GPCPD1: variants seen among roughly 807,000 people sequenced by gnomAD.
GPCPD1 encodes glycerophosphocholine phosphodiesterase 1.
A neutral mutation model predicts 89.2 loss-of-function variants in GPCPD1; 29 were observed. That is an observed-to-expected ratio of 0.33 (90% CI 0.24 to 0.44). The LOEUF (loss-of-function observed/expected upper bound fraction) is 0.44. GPCPD1 is among the 20% of genes least tolerant of loss of function. GPCPD1 has a pLI of 1.00. For synonymous variants in GPCPD1, 258 were observed against 266.3 expected (o/e 0.97, Z 0.30); for missense variants, 594 against 808.9 (o/e 0.73, Z 3.22).
intron 19 of GPCPD1, among the ~76,000 whole-genome samples, chr20:5,556,269 G>A (rs1309842881): frequency 1.3e-5 from 2 of 151,970 alleles, no homozygotes; most frequent in East Asian, 1.9e-4. Context: ...GTGCAGTGGC[G>A]CGATCTCGGC....
intron 2 of GPCPD1, among the ~76,000 whole-genome samples, chr20:5,600,855 T>C (rs1245674904): frequency 6.8e-6 from 1 of 146,738 alleles, no homozygotes; most frequent in Non-Finnish European, 1.5e-5. Flanking sequence ...CCGGGTATGG[T>C]GGCAAGCACC....
At position 5,570,920 on chromosome 20, in the gene GPCPD1, A is replaced by G. The variant is rs374702555; in HGVS notation, c.1057-681T>C. Among the ~76,000 whole-genome samples the G allele has an allele frequency of 1.7e-4, 26 of 152,332 alleles. No homozygotes were observed. In the East Asian group the frequency reaches 2.3e-3, roughly 14 times the overall value. ...CAGGACTGAAATTAATTTAAAGAAA[A>G]AAAGAAAGAAAGAAAGAAAAAGGCA... On this transcript the variant is annotated intron_variant, in intron 11 of 19. Coordinates refer to ENST00000379019, the MANE Select transcript of GPCPD1 (RefSeq NM_019593.5).
chr20:5,572,123 G>C (rs1986759736), intron 11 of GPCPD1, among the ~76,000 whole-genome samples: 1 of 150,952 alleles, frequency 6.6e-6, no homozygotes, highest in South Asian at 2.1e-4. Context: ...AGAGGCCAAA[G>C]CAGGAGGATC....
chr20:5,581,119 T>C (rs1013827299), intron 6 of GPCPD1, among the ~76,000 whole-genome samples: 2 of 152,064 alleles, frequency 1.3e-5, no homozygotes, highest in African/African-American at 4.8e-5. Context: ...TCAAGTGATC[T>C]GCCTTCCTCA....
chr20:5,594,227 G>A lies in GPCPD1; in HGVS notation c.147-816C>T, dbSNP rs531749049. Among the ~76,000 whole-genome samples, 6 of 152,120 alleles carry A rather than the reference G, an allele frequency of 3.9e-5. No individual in the cohort carries two copies. In the East Asian group the frequency reaches 1.2e-3, roughly 29 times the overall value. ...AATGCAAATTCTCAGGCCCTACCCA[G>A]ACTTATTGAATTAGGAACTCTGGGG... On this transcript the variant is annotated intron_variant, in intron 3 of 19. Transcript: ENST00000379019.
intron 4 of GPCPD1, among the ~76,000 whole-genome samples, chr20:5,587,008 A>C (rs1408876371): frequency 1.3e-5 from 2 of 152,146 alleles, no homozygotes; most frequent in Non-Finnish European, 2.9e-5. Flanking sequence ...TTCCATTATC[A>C]AGCTCCCCTA....
At chr20:5,559,878 C>G (rs964623573) in intron 17 of GPCPD1, 62 bp downstream of exon 17, 1 of 882,026 alleles carries the variant, frequency 1.1e-6, no homozygotes, top group African/African-American at 1.7e-5. Flanking sequence ...CACCTCCAGA[C>G]TGCTGCCTTA....
intron 3 of GPCPD1, among the ~76,000 whole-genome samples, chr20:5,594,353 G>C (rs189155322): frequency 6.6e-6 from 1 of 151,100 alleles, no homozygotes; most frequent in East Asian, 2.0e-4. Flanking sequence ...GCAGTGGCGC[G>C]ATCTCAGCTC....
intron 1 of GPCPD1, 67 bp downstream of exon 1, chr20:5,610,775 C>A (rs969936239): frequency 6.7e-6 from 1 of 150,366 alleles, no homozygotes; most frequent in Non-Finnish European, 1.5e-5. Context: ...GCGTCCCGGG[C>A]CGCCCTGACA....
chr20:5,558,214 A>T, intron 18 of GPCPD1, 109 bp from the exon 19 acceptor site: 1 of 581,058 alleles, frequency 1.7e-6, no homozygotes, highest in Non-Finnish European at 3.0e-6. Flanking sequence ...GGAAAAGAAA[A>T]TGGTAGATTT....
intron 19 of GPCPD1, chr20:5,549,403 C>A (rs1029260536): frequency 8.3e-7 from 1 of 1,205,230 alleles, no homozygotes; most frequent in Non-Finnish European, 1.2e-6. Flanking sequence ...TTCCTCCAAA[C>A]ATCGTGATTG....
intron 14 of GPCPD1, among the ~76,000 whole-genome samples, chr20:5,565,714 A>G (rs1986363627): frequency 6.6e-6 from 1 of 152,128 alleles, no homozygotes; most frequent in African/African-American, 2.4e-5. Flanking sequence ...ACAAGCTGTG[A>G]TTTTGCTATT....
At chr20:5,571,771 T>C (rs1007161594) in intron 11 of GPCPD1, among the ~76,000 whole-genome samples, 1 of 152,108 alleles carries the variant, frequency 6.6e-6, no homozygotes, top group African/African-American at 2.4e-5. Flanking sequence ...TAGCTGGGCA[T>C]GGTGGCAAAC....
intron 2 of GPCPD1, among the ~76,000 whole-genome samples, chr20:5,602,538 A>G (rs1386641394): frequency 6.6e-6 from 1 of 152,078 alleles, no homozygotes; most frequent in African/African-American, 2.4e-5. Context: ...ACTCACACAT[A>G]CTCTGCCAAT....
chr20:5,567,663 A>G (rs1306821210), intron 12 of GPCPD1, 103 bp from the exon 13 acceptor site: 13 of 1,045,712 alleles, frequency 1.2e-5, no homozygotes, highest in Admixed American at 6.1e-5. Flanking sequence ...AGACAGGCCT[A>G]GCAACTCTAT....
At position 5,547,308 on chromosome 20, in the gene GPCPD1, TG is replaced by T. The variant is rs1399646970; in HGVS notation, c.*352del. ...CCTTAAGTGCTAAAGATTTCAGACCTGATCAAATGAAAAGCTGTAAGTGTAA... is the reference window on the plus strand; with the variant it reads ...CCTTAAGTGCTAAAGATTTCAGACCTATCAAATGAAAAGCTGTAAGTGTAA... On this transcript the variant is annotated 3_prime_UTR_variant, in exon 20 of 20. Transcript: ENST00000379019. The T allele has an allele frequency of 6.5e-6, 1 of 154,092 alleles. No individual in the cohort carries two copies. The highest frequency in any genetic ancestry group is 2.4e-5 in the African/African-American group (1 of 41,506). The allele number at this position is 154,092 out of a possible 1,614,324, so 9.5% of individuals were successfully genotyped here. A position where few individuals can be genotyped will look rare whatever the true frequency, so the allele number is the denominator to read the frequency against.
chr20:5,571,450 C>T (rs550793290), intron 11 of GPCPD1, among the ~76,000 whole-genome samples: 9 of 152,006 alleles, frequency 5.9e-5, no homozygotes, highest in Non-Finnish European at 1.3e-4. Context: ...AGTAATAAGC[C>T]AATAACAGAC....
Position 5,593,423 on chromosome 20 carries a change from GAA to G in GPCPD1, c.147-14_147-13del. 6.8e-7 allele frequency: 1 copy of G among 1,469,634 alleles called. No individual in the cohort carries two copies. The allele number at this position is 1,469,634 out of a possible 1,614,324, so 91.0% of individuals were successfully genotyped here. ...CTTTCCATAGCATGCTGTGAAGAAAGAAAATTAAAAGCAGCAGCATCAATATC... is the reference window on the plus strand; with the variant it reads ...CTTTCCATAGCATGCTGTGAAGAAAGAATTAAAAGCAGCAGCATCAATATC... On this transcript the variant is annotated splice_polypyrimidine_tract_variant and intron_variant, in intron 3 of 19. Transcript: ENST00000379019.
At chr20:5,582,219 AC>A (rs1978583909) in intron 6 of GPCPD1, among the ~76,000 whole-genome samples, 1 of 142,518 alleles carries the variant, frequency 7.0e-6, no homozygotes, top group African/African-American at 2.5e-5. Context: ...AAAAAAAAAA[AC>A]TACTACTCCA....
Sources: gnomAD v4.1 joint callset for allele counts (sites outside exome capture counted in the v4.1 genomes callset) on GRCh38, gnomAD v4.1.1 for gene constraint, MANE v1.5 for transcripts, NCBI Gene and HGNC (gene_info 2026-07-23, HGNC 2026-07-21) for gene names.